Variants in DYNC1LI2 observed in about 807,000 individuals in gnomAD.
DYNC1LI2 encodes the protein dynein cytoplasmic 1 light intermediate chain 2, also known as cytoplasmic dynein 1 light intermediate chain 2.
DYNC1LI2 carries 19 observed loss-of-function variants against 57.8 expected under a neutral mutation model. The observed-to-expected ratio is 0.33, with a 90% confidence interval of 0.23 to 0.48. The LOEUF (loss-of-function observed/expected upper bound fraction) is 0.48, where lower values mean the gene tolerates loss of function less well. DYNC1LI2 is among the 20% of genes least tolerant of loss of function. DYNC1LI2 has a pLI of 0.99. For missense variants in DYNC1LI2, 470 were observed against 604.2 expected (o/e 0.78, Z 2.33); for synonymous variants, 256 against 233.4 (o/e 1.10, Z -0.88).
chr16:66,748,425 T>A (rs1221268805), intron 3 of DYNC1LI2, among the ~76,000 whole-genome samples: 2 of 152,132 alleles, frequency 1.3e-5, no homozygotes, highest in Admixed American at 1.3e-4. Context: ...GTAATCCTTA[T>A]AAGAGTGTTT....
chr16:66,746,682 C>T (rs1293319701), intron 3 of DYNC1LI2, among the ~76,000 whole-genome samples: 1 of 152,190 alleles, frequency 6.6e-6, no homozygotes, highest in Non-Finnish European at 1.5e-5. Context: ...AGATTACCTA[C>T]ATCATGTTTT....
intron 9 of DYNC1LI2, 81 bp from the exon 10 acceptor site, chr16:66,728,323 A>T: frequency 1.3e-6 from 2 of 1,517,606 alleles, no homozygotes; most frequent in South Asian, 2.3e-5. Context: ...TACTCCAAGT[A>T]CTCCACTAGA....
At chr16:66,738,884 A>AACACACACACACACACACACAC (rs34638723) in intron 4 of DYNC1LI2, 1 of 133,406 alleles carries the variant, frequency 7.5e-6, no homozygotes. Flanking sequence ...AAAAAAAACA[A>AACACACACACACACACACACAC]ACACACACAC....
In DYNC1LI2 at chr16:66,749,670, A is replaced by G. The variant is rs79954490; in HGVS notation, c.182-357T>C. ...GTTTCTCACAAGAAAAAGTTTCACC[A>G]CAAGAAAAACAAGAAATCTTCAAAA... On this transcript the variant is annotated intron_variant, in intron 2 of 12. Transcript: ENST00000258198. 6.3e-3 allele frequency among the ~76,000 whole-genome samples: 961 copies of G among 152,292 alleles called. 10 individuals carry two copies. The highest frequency in any genetic ancestry group is 0.022 in the African/African-American group (916 of 41,530).
chr16:66,736,365 C>T (rs2017735515), intron 4 of DYNC1LI2, 121 bp from the exon 5 acceptor site: 1 of 1,186,652 alleles, frequency 8.4e-7, no homozygotes, highest in Non-Finnish European at 1.2e-6. Flanking sequence ...TGACAAACTT[C>T]TTAGTCACAT....
chr16:66,743,654 T>C (rs923424249), intron 3 of DYNC1LI2, among the ~76,000 whole-genome samples: 3 of 149,774 alleles, frequency 2.0e-5, no homozygotes, highest in African/African-American at 7.3e-5. Flanking sequence ...TGCCACAACC[T>C]AAATAATCCA....
intron 6 of DYNC1LI2, 58 bp from the exon 7 acceptor site, chr16:66,732,532 A>G: frequency 6.4e-7 from 1 of 1,569,148 alleles, no homozygotes; most frequent in South Asian, 1.2e-5. Context: ...AATCGAACAC[A>G]TACAACCTCA....
intron 4 of DYNC1LI2, 95 bp downstream of exon 4, chr16:66,742,343 C>T (rs940842571): frequency 2.3e-6 from 3 of 1,278,900 alleles, no homozygotes; most frequent in Non-Finnish European, 3.2e-6. Flanking sequence ...AACCACGAAG[C>T]AAGGGAAGCC....
At chr16:66,727,177 C>T (rs1179270240) in intron 11 of DYNC1LI2, among the ~76,000 whole-genome samples, 1 of 152,126 alleles carries the variant, frequency 6.6e-6, no homozygotes, top group Non-Finnish European at 1.5e-5. Flanking sequence ...CTTGGCCTCC[C>T]AGAGTACTAG....
chr16:66,745,718 A>T (rs1055612130), intron 3 of DYNC1LI2, among the ~76,000 whole-genome samples: 4 of 151,914 alleles, frequency 2.6e-5, no homozygotes, highest in Non-Finnish European at 5.9e-5. Context: ...AGCCTGGACA[A>T]CATGGCAAAA....
At chr16:66,747,356 G>A (rs1215485826) in intron 3 of DYNC1LI2, among the ~76,000 whole-genome samples, 2 of 152,002 alleles carry the variant, frequency 1.3e-5, no homozygotes, top group Admixed American at 6.6e-5. Flanking sequence ...GATTACAGGC[G>A]TGAGCCACCG....
intron 12 of DYNC1LI2, chr16:66,724,792 G>A (rs1221100517): frequency 6.6e-6 from 1 of 151,736 alleles, no homozygotes; most frequent in African/African-American, 2.4e-5. Context: ...TGGGGGCAGT[G>A]GAGTAAACAA....
rs549094610 is a variant in DYNC1LI2 at position 66,751,214 on chromosome 16, G to C, written c.181+59C>G. ...ACGGGGAAGGCGGGGACCTGAGGGA[G>C]GGGCGCCCGCCTCGCCCACCCCAGC... On this transcript the variant is annotated intron_variant, in intron 2 of 12. Coordinates refer to ENST00000258198, the MANE Select transcript of DYNC1LI2 (RefSeq NM_006141.3). The surrounding 1 kb of genome is among the most constrained non-coding windows in gnomAD (Gnocchi z 5.2). 824 of 1,565,734 alleles carry C rather than the reference G, an allele frequency of 5.3e-4. 7 individuals are homozygous for C. In the African/African-American group the frequency reaches 9.0e-3, roughly 17 times the overall value.
intron 6 of DYNC1LI2, 175 bp downstream of exon 6, chr16:66,734,043 C>T: frequency 1.8e-6 from 1 of 569,568 alleles, no homozygotes; most frequent in Middle Eastern, 4.8e-4. Flanking sequence ...AAGGTAGACA[C>T]AAGTTAATAA....
intron 3 of DYNC1LI2, among the ~76,000 whole-genome samples, chr16:66,748,491 T>C (rs1045781113): frequency 3.3e-5 from 5 of 152,132 alleles, no homozygotes; most frequent in African/African-American, 1.2e-4. Flanking sequence ...GTTTTAAAGA[T>C]GAGGAATTAA....
At chr16:66,735,778 T>C (rs2017723204) in intron 5 of DYNC1LI2, among the ~76,000 whole-genome samples, 1 of 152,110 alleles carries the variant, frequency 6.6e-6, no homozygotes, top group South Asian at 2.1e-4. Flanking sequence ...AGTGCTGAGA[T>C]TACAGGCGTG....
chr16:66,737,979 T>C (rs2017766001), intron 4 of DYNC1LI2, among the ~76,000 whole-genome samples: 1 of 152,180 alleles, frequency 6.6e-6, no homozygotes, highest in Admixed American at 6.5e-5. Flanking sequence ...AAAGGCCTTT[T>C]ACTCTCACCA....
At chr16:66,742,703 T>G (rs200926974) in intron 3 of DYNC1LI2, 35 bp from the exon 4 acceptor site, 128 of 1,594,914 alleles carry the variant, frequency 8.0e-5, no homozygotes, top group Non-Finnish European at 1.1e-4. Flanking sequence ...AGTTACCACC[T>G]GACAGTGACC....
chr16:66,729,389 T>G (rs1363002157), intron 8 of DYNC1LI2, among the ~76,000 whole-genome samples: 2 of 152,082 alleles, frequency 1.3e-5, no homozygotes, highest in Admixed American at 1.3e-4. Context: ...ACGGCAGCAC[T>G]GGCAGGACTT....
Sources: gnomAD v4.1 joint callset for allele counts (sites outside exome capture counted in the v4.1 genomes callset) on GRCh38, gnomAD v4.1.1 for gene constraint, Gnocchi (gnomAD v3.1) non-coding constraint, MANE v1.5 for transcripts, NCBI Gene and HGNC (gene_info 2026-07-23, HGNC 2026-07-21) for gene names.